Variants in DDHD1 observed in about 807,000 individuals in gnomAD.
The protein encoded by DDHD1 is DDHD domain containing 1.
Under a neutral mutation model 96.4 loss-of-function variants are expected in DDHD1, and 49 were observed. The ratio of observed to expected loss-of-function variants is 0.51; its 90% CI spans 0.40 to 0.64. The LOEUF (loss-of-function observed/expected upper bound fraction) is 0.64. Ranked by LOEUF, DDHD1 falls within the 30% of genes least tolerant of loss-of-function variation. The pLI is 0.00. For missense variants in DDHD1, 1,106 were observed against 1,161.2 expected (o/e 0.95, Z 0.69); for synonymous variants, 442 against 446.5 (o/e 0.99, Z 0.13).
rs2139792366 is a variant in DDHD1, at chr14:53,043,026, T to G, written c.*3742A>C. On this transcript the variant is annotated 3_prime_UTR_variant, in exon 13 of 13. Coordinates refer to ENST00000673822, the MANE Select transcript of DDHD1 (RefSeq NM_001160148.2). ...ACTACAGACTTTACAGGAAAATCTTTTGGCTTGATCTGACTCCACTGGAAG... is the reference window on the plus strand; with the variant it reads ...ACTACAGACTTTACAGGAAAATCTTGTGGCTTGATCTGACTCCACTGGAAG... 1 of 152,320 alleles carries G rather than the reference T, an allele frequency of 6.6e-6. No individual in the cohort carries two copies. Among genetic ancestry groups the G allele is most frequent in the South Asian group, 2.1e-4 (1 of 4,824 alleles). The allele number at this position is 152,320 out of a possible 1,614,324, so 9.4% of individuals were successfully genotyped here.
intron 11 of DDHD1, among the ~76,000 whole-genome samples, chr14:53,052,193 A>C (rs896313551): frequency 6.6e-6 from 1 of 151,794 alleles, no homozygotes; most frequent in Admixed American, 6.6e-5. Context: ...CCTAGATGCA[A>C]AACAATGCTA....
At chr14:53,063,561 A>G (rs1049941627) in intron 6 of DDHD1, among the ~76,000 whole-genome samples, 1 of 151,520 alleles carries the variant, frequency 6.6e-6, no homozygotes, top group Non-Finnish European at 1.5e-5. Context: ...TTTTTGTTGT[A>G]ACTTACCCAC....
At chr14:53,096,906 T>C (rs978519957) in intron 2 of DDHD1, among the ~76,000 whole-genome samples, 3 of 152,026 alleles carry the variant, frequency 2.0e-5, no homozygotes, top group Non-Finnish European at 4.4e-5. Context: ...TGTGACAACT[T>C]GTAAGCACTA....
chr14:53,123,495 A>G (rs1338781064), intron 1 of DDHD1, among the ~76,000 whole-genome samples: 3 of 152,288 alleles, frequency 2.0e-5, no homozygotes, highest in African/African-American at 7.2e-5. Flanking sequence ...AAACAAACAA[A>G]CCTGCAAACA....
intron 1 of DDHD1, among the ~76,000 whole-genome samples, chr14:53,135,160 C>T (rs1456154322): frequency 1.3e-5 from 2 of 152,148 alleles, no homozygotes; most frequent in Middle Eastern, 3.2e-3. Context: ...CATCATATCC[C>T]CTGTGACCTG....
chr14:53,063,500 A>G (rs1190440900), intron 6 of DDHD1, among the ~76,000 whole-genome samples: 1 of 151,918 alleles, frequency 6.6e-6, no homozygotes, highest in Non-Finnish European at 1.5e-5. Flanking sequence ...AAAAAAAACC[A>G]AAGTTCTATG....
chr14:53,087,363 T>G (rs552727207), intron 4 of DDHD1, among the ~76,000 whole-genome samples: 1 of 152,288 alleles, frequency 6.6e-6, no homozygotes, highest in East Asian at 1.9e-4. Flanking sequence ...TATACATTCT[T>G]CTCAGCATCA....
In DDHD1 at chr14:53,117,773, C is replaced by T. The variant is rs144587340; in HGVS notation, c.839-13917G>A. ...AGACAGCTTCTGCAGACTTAAACAT[C>T]CCTGGCTGACAGCTCTGAAGGGAGT... On this transcript the variant is annotated intron_variant, in intron 1 of 12. Coordinates refer to ENST00000673822, the MANE Select transcript of DDHD1 (RefSeq NM_001160148.2). 2.9e-4 allele frequency among the ~76,000 whole-genome samples: 44 copies of T among 152,282 alleles called. 1 individual carries two copies. Among genetic ancestry groups the T allele is most frequent in the Non-Finnish European group, 5.9e-4 (40 of 68,036 alleles).
intron 1 of DDHD1, among the ~76,000 whole-genome samples, chr14:53,120,611 TAGAAC>T (rs1335123808): frequency 1.3e-5 from 2 of 152,072 alleles, no homozygotes; most frequent in African/African-American, 4.8e-5. Context: ...TACAGACTAA[TAGAAC>T]AGAACAGAGA....
chr14:53,067,477 AGATGG>A (rs2139891004), intron 6 of DDHD1, among the ~76,000 whole-genome samples: 1 of 145,822 alleles, frequency 6.9e-6, no homozygotes, highest in African/African-American at 2.6e-5. Flanking sequence ...TTTTTTTTAG[AGATGG>A]AATCTCGCTC....
chr14:53,116,584 C>A (rs1303272422), intron 1 of DDHD1, among the ~76,000 whole-genome samples: 2 of 152,162 alleles, frequency 1.3e-5, no homozygotes, highest in African/African-American at 2.4e-5. Context: ...CAAAACCACA[C>A]AACTACATGG....
chr14:53,120,255 C>T (rs1252557364), intron 1 of DDHD1, among the ~76,000 whole-genome samples: 11 of 152,078 alleles, frequency 7.2e-5, no homozygotes, highest in Admixed American at 1.3e-4. Flanking sequence ...ACGTGAAGGA[C>T]GTCTTCAAGA....
chr14:53,144,762 G>A (rs947941728), intron 1 of DDHD1, among the ~76,000 whole-genome samples: 2 of 152,194 alleles, frequency 1.3e-5, no homozygotes, highest in Non-Finnish European at 2.9e-5. Flanking sequence ...GTTGCAGTAA[G>A]TTGTAAAATC....
chr14:53,096,163 A>T, intron 2 of DDHD1: 1 of 985,256 alleles, frequency 1.0e-6, no homozygotes, highest in Non-Finnish European at 1.2e-6. Context: ...TACTCTCCTT[A>T]TATCTTCTCC....
intron 6 of DDHD1, 83 bp downstream of exon 6, chr14:53,072,514 A>G: frequency 1.4e-6 from 1 of 726,342 alleles, no homozygotes; most frequent in Non-Finnish European, 2.1e-6. Flanking sequence ...ATTTGCTTAA[A>G]AAAAACATAA....
chr14:53,107,159 G>T (rs536616980), intron 1 of DDHD1, among the ~76,000 whole-genome samples: 6 of 152,156 alleles, frequency 3.9e-5, no homozygotes, highest in African/African-American at 1.4e-4. Context: ...TAATGTTTTT[G>T]CAATATATAC....
chr14:53,141,145 C>T (rs562085697), intron 1 of DDHD1, among the ~76,000 whole-genome samples: 3 of 152,046 alleles, frequency 2.0e-5, no homozygotes, highest in African/African-American at 7.2e-5. Context: ...TCCTCACTGA[C>T]AAAATAATAC....
rs1458669460 is a variant in DDHD1, at chr14:53,041,438, C to G, written c.*5330G>C. On this transcript the variant is annotated 3_prime_UTR_variant, in exon 13 of 13. Transcript: ENST00000673822. ...ACAAAACACAATAGTAAAAACTCTT[C>G]TCATAGTCTCCAAAAAGGATAGTAC... 3.9e-5 allele frequency: 6 copies of G among 152,086 alleles called. No individual in the cohort carries two copies. Among genetic ancestry groups the G allele is most frequent in the Non-Finnish European group, 8.8e-5 (6 of 67,986 alleles). The allele number at this position is 152,086 out of a possible 1,614,324, so 9.4% of individuals were successfully genotyped here. A position where few individuals can be genotyped will look rare whatever the true frequency, so the allele number is the denominator to read the frequency against.
Position 53,042,871 on chromosome 14 carries a change from G to A in DDHD1, c.*3897C>T, listed in dbSNP as rs916703709. 2.6e-5 allele frequency: 4 copies of A among 152,162 alleles called. No homozygotes were observed. Among genetic ancestry groups the A allele is most frequent in the Middle Eastern group, 3.4e-3 (1 of 294 alleles). 9.4% of individuals were successfully genotyped at this position (152,162 alleles called of 1,614,324 possible). The stretch of plus-strand genomic sequence containing the variant: ...TCTGCCTTGATCTTTAATATTTTAC[G>A]TGTTTTTAGAAGAGCAATTTTAATA... On this transcript the variant is annotated 3_prime_UTR_variant, in exon 13 of 13. Coordinates refer to ENST00000673822, the MANE Select transcript of DDHD1 (RefSeq NM_001160148.2).
Sources: allele counts gnomAD v4.1 joint callset (sites outside exome capture counted in the v4.1 genomes callset), GRCh38; gene constraint gnomAD v4.1.1; transcripts MANE v1.5; gene names NCBI Gene and HGNC (gene_info 2026-07-23, HGNC 2026-07-21).